The following GPATCH8 variants were observed in gnomAD, a reference collection of about 807,000 sequenced individuals.
The protein encoded by GPATCH8 is G patch domain-containing protein 8.
Under a neutral mutation model 118.3 loss-of-function variants are expected in GPATCH8, and 18 were observed. That is an observed-to-expected ratio of 0.15 (90% CI 0.11 to 0.23). The LOEUF is 0.23. Among genes scored for constraint, GPATCH8 ranks in the 10% least tolerant of loss-of-function variants. The probability of loss-of-function intolerance (pLI) is 1.00; values close to 1 mark genes in which losing one functional copy is unlikely to be tolerated. For missense variants in GPATCH8, 1,631 were observed against 1,873.8 expected (o/e 0.87, Z 2.39); for synonymous variants, 659 against 684.7 (o/e 0.96, Z 0.59).
Position 44,435,122 on chromosome 17 carries a change from C to T in GPATCH8, c.291G>A (p.Arg97=). 6.6e-7 allele frequency: 1 copy of T among 1,519,262 alleles called. No homozygotes were observed. The highest frequency in any genetic ancestry group is 9.1e-7 in the Non-Finnish European group (1 of 1,093,534). 94.1% of individuals were successfully genotyped at this position (1,519,262 alleles called of 1,614,324 possible). A position where few individuals can be genotyped will look rare whatever the true frequency, so the allele number is the denominator to read the frequency against. The part of the protein sequence containing the change: ...ELDYAEDATE[R]RRVLEVEKED... ...CTTTTTCTACTTCTAGGACACGGCG[C>T]CGTTCGGTAGCATCTTCAGCATAAT... The change falls in exon 5 of 8, where the codon CGG becomes CGA. Residue 97 remains arginine (R), a synonymous_variant. Coordinates refer to ENST00000591680, the MANE Select transcript of GPATCH8 (RefSeq NM_001002909.4).
At chr17:44,435,372 T>G (rs577735913) in intron 4 of GPATCH8, among the ~76,000 whole-genome samples, 1 of 151,302 alleles carries the variant, frequency 6.6e-6, no homozygotes, top group African/African-American at 2.4e-5. Flanking sequence ...TTGTTGAAAG[T>G]AGACTTCACT....
chr17:44,497,340 A>T (rs1969731925), intron 1 of GPATCH8, among the ~76,000 whole-genome samples: 1 of 152,228 alleles, frequency 6.6e-6, no homozygotes, highest in African/African-American at 2.4e-5. Flanking sequence ...CTGTAATCTC[A>T]ACACTTTGAG....
In GPATCH8 at chr17:44,398,422, G is replaced by T; in HGVS notation, c.3655C>A (p.His1219Asn). ...ESKSGEATADHPVAPLGTPAH... is the reference protein window; with the variant it reads ...ESKSGEATADNPVAPLGTPAH... ...GGGGTGCCTAGTGGAGCCACAGGGTGATCAGCAGTAGCTTCTCCAGACTTT... is the reference window on the plus strand; with the variant it reads ...GGGGTGCCTAGTGGAGCCACAGGGTTATCAGCAGTAGCTTCTCCAGACTTT... Residue 1219 changes from histidine (H) to asparagine (N), a missense_variant, in exon 8 of 8, where the codon CAC (histidine) becomes AAC (asparagine). This residue lies in a region of GPATCH8 where 922 missense variants were observed against 879.7 expected (regional missense o/e 1.05). Transcript: ENST00000591680. The T allele has an allele frequency of 1.2e-6, 2 of 1,613,894 alleles. No individual in the cohort carries two copies. The highest frequency in any genetic ancestry group is 1.7e-6 in the Non-Finnish European group (2 of 1,179,854).
At chr17:44,474,717 T>A (rs1568042008) in intron 2 of GPATCH8, 112 bp downstream of exon 2, 4 of 717,806 alleles carry the variant, frequency 5.6e-6, no homozygotes, top group Non-Finnish European at 7.7e-6. Flanking sequence ...AGAAAACAAC[T>A]CTAAACTGTA....
In GPATCH8 at chr17:44,399,099, C is replaced by A. The variant is rs1423832691; in HGVS notation, c.2978G>T (p.Ser993Ile). Residue 993 changes from serine to isoleucine, a missense_variant, in exon 8 of 8, where the codon AGC (serine) becomes ATC (isoleucine). Physicochemically the swap from Ser to Ile is moderately radical, Grantham distance 142. Coordinates refer to ENST00000591680, the MANE Select transcript of GPATCH8 (RefSeq NM_001002909.4). The stretch of plus-strand genomic sequence containing the variant: ...CTGGGAAGGGCTCCTGGTGCTGCGG[C>A]TGCGGTCCCGGCTATAGCTCCGGCT... ...QRSRSYSRDR[S>I]RSTRSPSQRS... The A allele has an allele frequency of 6.2e-7, 1 of 1,613,914 alleles. No individual in the cohort carries two copies. The highest frequency in any genetic ancestry group is 2.2e-5 in the East Asian group (1 of 44,886).
intron 5 of GPATCH8, among the ~76,000 whole-genome samples, chr17:44,426,508 G>A (rs1029925772): frequency 2.0e-5 from 3 of 151,502 alleles, no homozygotes; most frequent in Non-Finnish European, 1.5e-5. Flanking sequence ...AAAGGCTGAG[G>A]TGGGAGGACC....
chr17:44,417,908 C>T (rs556994105), intron 6 of GPATCH8, among the ~76,000 whole-genome samples: 5 of 152,082 alleles, frequency 3.3e-5, no homozygotes, highest in Non-Finnish European at 5.9e-5. Context: ...CAAGATAAGC[C>T]AAAGCCTAAA....
chr17:44,450,035 T>G (rs1323657359), intron 3 of GPATCH8, among the ~76,000 whole-genome samples: 1 of 152,190 alleles, frequency 6.6e-6, no homozygotes, highest in Non-Finnish European at 1.5e-5. Context: ...ATATAAAACA[T>G]ATAGCCATAT....
intron 5 of GPATCH8, among the ~76,000 whole-genome samples, chr17:44,428,775 AGGTGACAGAGTGAGATCCTGTCTG>A (rs2050183560): frequency 6.6e-6 from 1 of 152,092 alleles, no homozygotes; most frequent in East Asian, 1.9e-4. Flanking sequence ...CCGCACTTCT[AGGTGACAGAGTGAGATCCTGTCTG>A]GGTGACAGAG....
In GPATCH8 at chr17:44,398,437, C is replaced by T. The variant is rs1198986781; in HGVS notation, c.3640G>A (p.Glu1214Lys). 1 of 1,613,544 alleles carries T rather than the reference C, an allele frequency of 6.2e-7. No homozygotes were observed. The highest frequency in any genetic ancestry group is 1.3e-5 in the African/African-American group (1 of 74,902). The change falls in exon 8 of 8, where the codon GAA (glutamate) becomes AAA (lysine). Residue 1214 changes from glutamate to lysine, a missense_variant. Physicochemically the swap from Glu to Lys is moderately conservative, Grantham distance 56. Coordinates refer to ENST00000591680, the MANE Select transcript of GPATCH8 (RefSeq NM_001002909.4). ...GCCACAGGGTGATCAGCAGTAGCTT[C>T]TCCAGACTTTGACTCTTCTGGGGGT... ...DPPPEESKSG[E>K]ATADHPVAPL... is the part of the protein sequence containing the mutation.
rs56962134 is a variant in GPATCH8 at position 44,453,500 on chromosome 17, G to GGTGTGTGTGTGTGTGTGTGTGTGTGT, written c.193+10946_193+10971dup. 2.5e-3 allele frequency among the ~76,000 whole-genome samples: 358 copies of GGTGTGTGTGTGTGTGTGTGTGTGTGT among 142,724 alleles called. 5 individuals carry two copies. Among genetic ancestry groups the GGTGTGTGTGTGTGTGTGTGTGTGTGT allele is most frequent in the African/African-American group, 8.9e-3 (329 of 36,886 alleles). The allele number at this position is 142,724 out of a possible 152,430, so 93.6% of individuals were successfully genotyped here. A position where few individuals can be genotyped will look rare whatever the true frequency, so the allele number is the denominator to read the frequency against. ...AGTTGTAGGTAGGTAGGTAGGTAGG[G>GGTGTGTGTGTGTGTGTGTGTGTGTGT]GTGTGTGTGTGTGTGTGTGTGTGTG... On this transcript the variant is annotated intron_variant, in intron 3 of 7. Coordinates refer to ENST00000591680, the MANE Select transcript of GPATCH8 (RefSeq NM_001002909.4).
intron 1 of GPATCH8, among the ~76,000 whole-genome samples, chr17:44,495,973 T>G (rs1969639561): frequency 6.6e-6 from 1 of 152,186 alleles, no homozygotes; most frequent in Non-Finnish European, 1.5e-5. Context: ...GTTCAAGAGA[T>G]TCTCCTGCCC....
At chr17:44,464,013 T>C (rs1296703049) in intron 3 of GPATCH8, among the ~76,000 whole-genome samples, 1 of 152,166 alleles carries the variant, frequency 6.6e-6, no homozygotes. Flanking sequence ...AAATTTCTTA[T>C]TGCAGAGCAA....
intron 3 of GPATCH8, among the ~76,000 whole-genome samples, chr17:44,446,652 TG>T (rs2050894568): frequency 1.3e-5 from 2 of 152,142 alleles, no homozygotes; most frequent in East Asian, 3.9e-4. Flanking sequence ...AGAAAATATC[TG>T]GGGGGATTAT....
At chr17:44,434,147 T>TTAA (rs1392608890) in intron 5 of GPATCH8, among the ~76,000 whole-genome samples, 1 of 150,386 alleles carries the variant, frequency 6.6e-6, no homozygotes, top group Non-Finnish European at 1.5e-5. Flanking sequence ...AATAATAATA[T>TTAA]TAATAATAAT....
rs184099482 is a variant in GPATCH8 at position 44,482,984 on chromosome 17, G to A, written c.46-8081C>T. 6.7e-3 allele frequency among the ~76,000 whole-genome samples: 985 copies of A among 147,218 alleles called. 16 individuals carry two copies. Among genetic ancestry groups the A allele is most frequent in the African/African-American group, 0.022 (892 of 40,088 alleles). ...ATCCTGGCTAACACGGTGCAACCCC[G>A]TCTCTACTAAAAATACAAAAAATTA... On this transcript the variant is annotated intron_variant, in intron 1 of 7. Coordinates refer to ENST00000591680, the MANE Select transcript of GPATCH8 (RefSeq NM_001002909.4).
rs2048798215 is a variant in GPATCH8, at chr17:44,396,890, ATCT to A, written c.*675_*677del. The A allele has an allele frequency of 6.6e-6, 3 of 454,186 alleles. No homozygotes were observed. The highest frequency in any genetic ancestry group is 4.0e-5 in the African/African-American group (2 of 50,082). The allele number at this position is 454,186 out of a possible 1,614,324, so 28.1% of individuals were successfully genotyped here. A position where few individuals can be genotyped will look rare whatever the true frequency, so the allele number is the denominator to read the frequency against. ...CCATACAGCTTTTATTCATGATAGG[ATCT>A]TCTTTTCTGGGATATGGAGATGCCT... On this transcript the variant is annotated 3_prime_UTR_variant, in exon 8 of 8. Coordinates refer to ENST00000591680, the MANE Select transcript of GPATCH8 (RefSeq NM_001002909.4).
chr17:44,496,460 T>A (rs1448726299), intron 1 of GPATCH8, among the ~76,000 whole-genome samples: 1 of 152,206 alleles, frequency 6.6e-6, no homozygotes, highest in East Asian at 1.9e-4. Context: ...TTGAAATCAA[T>A]GTAATTACCA....
chr17:44,457,917 TA>T (rs959279000), intron 3 of GPATCH8, among the ~76,000 whole-genome samples: 4 of 149,886 alleles, frequency 2.7e-5, no homozygotes, highest in Admixed American at 2.7e-4. Flanking sequence ...CCGTCTCTAC[TA>T]AAAAAAAATA....
Sources: allele counts gnomAD v4.1 joint callset (sites outside exome capture counted in the v4.1 genomes callset), GRCh38; gene constraint gnomAD v4.1.1; regional missense constraint gnomAD v4.1.1; transcripts MANE v1.5; gene names NCBI Gene and HGNC (gene_info 2026-07-23, HGNC 2026-07-21).